The following ENTREP2 variants were observed in gnomAD, a reference collection of about 807,000 sequenced individuals.
ENTREP2 encodes endosomal transmembrane epsin interactor 2.
chr15:29,591,832 G>GAGAAGAAGAAGAAGAAGAAGA, the ENTREP2 span, among the ~76,000 whole-genome samples: 559 of 140,180 alleles, frequency 4.0e-3, 4 homozygotes, highest in Middle Eastern at 0.011. Flanking sequence ...CATCTCAAAA[G>GAGAAGAAGAAGAAGAAGAAGA]AGAAGAAGAA....
At chr15:29,435,983 G>A in the ENTREP2 span, among the ~76,000 whole-genome samples, 1,988 of 152,200 alleles carry the variant, frequency 0.013, 35 homozygotes, top group Non-Finnish European at 0.012. Context: ...TGAGTCAACC[G>A]ATGTACTAGA....
chr15:29,460,130 T>C, the ENTREP2 span, among the ~76,000 whole-genome samples: 1 of 105,778 alleles, frequency 9.5e-6, no homozygotes, highest in Non-Finnish European at 2.1e-5. Context: ...TGCACGCCTG[T>C]AGTCCCAGCT....
At chr15:29,435,492 T>C in the ENTREP2 span, among the ~76,000 whole-genome samples, 1,490 of 152,220 alleles carry the variant, frequency 9.8e-3, 20 homozygotes, top group African/African-American at 0.034. Context: ...TTAATTTTTA[T>C]GTTTGTTAAT....
chr15:29,153,808 T>C, the ENTREP2 span, among the ~76,000 whole-genome samples: 1 of 152,228 alleles, frequency 6.6e-6, no homozygotes, highest in Non-Finnish European at 1.5e-5. Context: ...TTTAAGTCTA[T>C]GCTCCATTTT....
At chr15:29,450,654 CACAT>C in the ENTREP2 span, among the ~76,000 whole-genome samples, 15 of 152,180 alleles carry the variant, frequency 9.9e-5, no homozygotes, top group Non-Finnish European at 1.9e-4. Flanking sequence ...ATCATAAAGA[CACAT>C]GCATGCATAT....
the ENTREP2 span, among the ~76,000 whole-genome samples, chr15:29,621,934 C>T: frequency 6.6e-6 from 1 of 152,166 alleles, no homozygotes; most frequent in Non-Finnish European, 1.5e-5. Flanking sequence ...TTGAGGACAA[C>T]ATTTCTACTA....
chr15:29,656,270 A>G, the ENTREP2 span, among the ~76,000 whole-genome samples: 1 of 152,012 alleles, frequency 6.6e-6, no homozygotes, highest in Admixed American at 6.6e-5. Context: ...CTGTCACCCA[A>G]GCTGGAGTGC....
chr15:29,583,193 A>G, the ENTREP2 span, among the ~76,000 whole-genome samples: 1 of 152,240 alleles, frequency 6.6e-6, no homozygotes, highest in African/African-American at 2.4e-5. Flanking sequence ...AATCAAGTAA[A>G]GAAAATATTA....
chr15:29,447,043 T>C, the ENTREP2 span, among the ~76,000 whole-genome samples: 1,314 of 152,300 alleles, frequency 8.6e-3, 16 homozygotes, highest in African/African-American at 0.028. Context: ...TAACCTAACA[T>C]GTTCCAGGGA....
chr15:29,635,991 T>C, the ENTREP2 span, among the ~76,000 whole-genome samples: 12 of 152,092 alleles, frequency 7.9e-5, no homozygotes, highest in African/African-American at 9.7e-5. Context: ...AATGTCTCCT[T>C]CTCATGGCGA....
chr15:29,170,725 A>C, the ENTREP2 span, among the ~76,000 whole-genome samples: 40 of 152,328 alleles, frequency 2.6e-4, no homozygotes, highest in East Asian at 1.9e-3. Context: ...TAAAACAGGA[A>C]GAGGGCGCTT....
chr15:29,460,381 G>A, the ENTREP2 span, among the ~76,000 whole-genome samples: 1 of 152,048 alleles, frequency 6.6e-6, no homozygotes, highest in South Asian at 2.1e-4. Context: ...CTGTAATCCC[G>A]ACACTCTGGA....
chr15:29,136,262 C>T, the ENTREP2 span: 2 of 1,276,578 alleles, frequency 1.6e-6, no homozygotes, highest in Non-Finnish European at 2.1e-6. Flanking sequence ...ACCTCACAGC[C>T]AGCTCGGACC....
At chr15:29,347,507 C>CAGAA in the ENTREP2 span, among the ~76,000 whole-genome samples, 5 of 152,026 alleles carry the variant, frequency 3.3e-5, no homozygotes, top group African/African-American at 1.2e-4. Flanking sequence ...CATCTCTTTT[C>CAGAA]ACTATTTTTT....
the ENTREP2 span, among the ~76,000 whole-genome samples, chr15:29,617,834 G>A: frequency 6.6e-6 from 1 of 152,192 alleles, no homozygotes; most frequent in African/African-American, 2.4e-5. Flanking sequence ...TGAGCCTGAG[G>A]CCCAGGGCAG....
the ENTREP2 span, among the ~76,000 whole-genome samples, chr15:29,602,881 C>T: frequency 6.6e-6 from 1 of 152,148 alleles, no homozygotes; most frequent in African/African-American, 2.4e-5. Flanking sequence ...ACTAAAATGA[C>T]CAATATCACT....
the ENTREP2 span, among the ~76,000 whole-genome samples, chr15:29,348,148 T>C: frequency 2.0e-5 from 3 of 152,218 alleles, no homozygotes; most frequent in Non-Finnish European, 4.4e-5. Context: ...GAATCCTGAA[T>C]GCATTTATTG....
the ENTREP2 span, among the ~76,000 whole-genome samples, chr15:29,668,568 T>A: frequency 6.6e-6 from 1 of 152,208 alleles, no homozygotes; most frequent in Admixed American, 6.5e-5. Context: ...TACAAGAGAC[T>A]ATTTGCGGTA....
At chr15:29,593,774 T>G in the ENTREP2 span, among the ~76,000 whole-genome samples, 1 of 152,334 alleles carries the variant, frequency 6.6e-6, no homozygotes, top group African/African-American at 2.4e-5. Flanking sequence ...GACTGATGGT[T>G]GCCAGGGAAT....
Sources: allele counts gnomAD v4.1 joint callset (sites outside exome capture counted in the v4.1 genomes callset), GRCh38; gene constraint gnomAD v4.1.1; transcripts MANE v1.5; gene names NCBI Gene and HGNC (gene_info 2026-07-23, HGNC 2026-07-21).